PALM: variants seen among roughly 807,000 people sequenced by gnomAD.
The protein encoded by PALM is paralemmin.
Under a neutral mutation model 30.7 loss-of-function variants are expected in PALM, and 18 were observed. The ratio of observed to expected loss-of-function variants is 0.59; its 90% CI spans 0.41 to 0.87. The LOEUF is 0.87. PALM is among the 40% of genes least tolerant of loss of function. The pLI is 0.00. For missense variants in PALM, 529 were observed against 555.4 expected, an observed-to-expected ratio of 0.95 and a Z score of 0.48; for synonymous variants, 286 against 242.8, an observed-to-expected ratio of 1.18 and a Z score of -1.66.
At chr19:729,996 G>A (rs1367218972) in intron 4 of PALM, among the ~76,000 whole-genome samples, 6 of 152,224 alleles carry the variant, frequency 3.9e-5, no homozygotes, top group African/African-American at 4.8e-5. Context: ...GGAGGGTGAA[G>A]ACCTGGCTTG....
chr19:738,851 G>A (rs953098649), intron 7 of PALM, among the ~76,000 whole-genome samples: 6 of 152,312 alleles, frequency 3.9e-5, no homozygotes, highest in African/African-American at 1.2e-4. Context: ...GATGGGGACC[G>A]ATGGCCCCTC....
intron 1 of PALM, among the ~76,000 whole-genome samples, chr19:713,913 T>C (rs980881928): frequency 4.6e-4 from 65 of 142,640 alleles, no homozygotes; most frequent in Non-Finnish European, 8.3e-4. Flanking sequence ...TCTTTCTTTT[T>C]TTTTTTTTTG....
At position 727,064 on chromosome 19, in the gene PALM, G is replaced by A. The variant is rs1257968765; in HGVS notation, c.114G>A (p.Glu38=). Residue 38 remains glutamate, a synonymous_variant, in exon 3 of 9, where the codon GAG becomes GAA. Transcript: ENST00000338448. ...ACAAGCGCCGGCAGCTGGAGGACGA[G>A]CGGAGGCAGCTGCAGCACCTGAAGG... ...IENKRRQLED[E]RRQLQHLKSK... The A allele has an allele frequency of 1.9e-6, 3 of 1,543,126 alleles. No homozygotes were observed. The highest frequency in any genetic ancestry group is 1.4e-5 in the African/African-American group (1 of 72,576).
At chr19:710,651 G>GCGCCCCCCCCCCCCCCCCCCCCC (rs2032045130) in intron 1 of PALM, among the ~76,000 whole-genome samples, 4 of 114,166 alleles carry the variant, frequency 3.5e-5, no homozygotes, top group African/African-American at 7.0e-5. Flanking sequence ...AGGAGCTGCT[G>GCGCCCCCCCCCCCCCCCCCCCCC]CCCCCCCCCC....
chr19:727,742 G>A, intron 4 of PALM, 48 bp downstream of exon 4: 2 of 1,490,772 alleles, frequency 1.3e-6, no homozygotes, highest in Non-Finnish European at 1.8e-6. Flanking sequence ...GGCCTCGGGG[G>A]CCGCTGGCTC....
In PALM at chr19:727,045, G is replaced by A. The variant is rs1001270877; in HGVS notation, c.95G>A (p.Arg32His). Residue 32 changes from arginine (R) to histidine (H), a missense_variant, in exon 3 of 9, where the codon CGC (arginine) becomes CAC (histidine). Physicochemically the swap from Arg to His is conservative, Grantham distance 29. Transcript: ENST00000338448. ...CGGCAGGCGGAGATCGAGAACAAGC[G>A]CCGGCAGCTGGAGGACGAGCGGAGG... is the stretch of plus-strand genomic sequence containing the variant. ...RKRQAEIENK[R>H]RQLEDERRQL... is the part of the protein sequence containing the mutation. 33 of 1,356,018 alleles carry A rather than the reference G, an allele frequency of 2.4e-5. No individual in the cohort carries two copies. Among genetic ancestry groups the A allele is most frequent in the Non-Finnish European group, 3.1e-5 (32 of 1,024,894 alleles). 84.0% of individuals were successfully genotyped at this position (1,356,018 alleles called of 1,614,324 possible). A position where few individuals can be genotyped will look rare whatever the true frequency, so the allele number is the denominator to read the frequency against.
chr19:712,209 G>A (rs539982411), intron 1 of PALM, among the ~76,000 whole-genome samples: 86 of 150,324 alleles, frequency 5.7e-4, no homozygotes, highest in African/African-American at 2.0e-3. Flanking sequence ...TTTTAGTAGC[G>A]ACAGGGTTTC....
Position 740,388 on chromosome 19 carries a change from A to G in PALM, c.539A>G (p.Lys180Arg), listed in dbSNP as rs1338876728. The change falls in exon 8 of 9, where the codon AAG (lysine) becomes AGG (arginine). Residue 180 changes from lysine (K) to arginine (R), a missense_variant. Transcript: ENST00000338448. ...YSVEITVEKD[K>R]VTGETRVLSS... Reference sequence around the variant, plus strand: ...GTTGAGATCACTGTGGAGAAGGACAAGGTGACAGGGGAGACCAGGGTGCTG... The same window carrying G: ...GTTGAGATCACTGTGGAGAAGGACAGGGTGACAGGGGAGACCAGGGTGCTG... The G allele has an allele frequency of 3.2e-6, 5 of 1,562,454 alleles. No individual in the cohort carries two copies. Among genetic ancestry groups the G allele is most frequent in the Non-Finnish European group, 4.3e-6 (5 of 1,153,030 alleles).
rs1004923800 is a variant in PALM, at chr19:746,880, C to T, written c.*66C>T. On this transcript the variant is annotated 3_prime_UTR_variant, in exon 9 of 9. Transcript: ENST00000338448. This position sits in a 1 kb window ranked among gnomAD's most constrained non-coding sequence, Gnocchi z 7.1. Reference sequence around the variant, plus strand: ...CACCCACCAGCCCGGCCCCTCCCGGCGCCTGCCCACCCTCCACCCACAGCC... The same window carrying T: ...CACCCACCAGCCCGGCCCCTCCCGGTGCCTGCCCACCCTCCACCCACAGCC... The T allele has an allele frequency of 2.2e-4, 204 of 929,728 alleles. No individual in the cohort carries two copies. Among genetic ancestry groups the T allele is most frequent in the Admixed American group, 6.1e-4 (23 of 37,560 alleles). The allele number at this position is 929,728 out of a possible 1,614,324, so 57.6% of individuals were successfully genotyped here.
intron 1 of PALM, among the ~76,000 whole-genome samples, chr19:714,594 G>A (rs1021854905): frequency 2.1e-4 from 31 of 150,088 alleles, no homozygotes; most frequent in Non-Finnish European, 3.6e-4. Flanking sequence ...TCCTGACCTC[G>A]TGATCCGCCC....
Position 737,660 on chromosome 19 carries a change from C to T in PALM, c.502+1582C>T, listed in dbSNP as rs184391563. ...TATCTGGAGGAAGGTGTCCAAGGCACGCAGCTATCTGGGGAAAGGTGTTCC... is the reference window on the plus strand; with the variant it reads ...TATCTGGAGGAAGGTGTCCAAGGCATGCAGCTATCTGGGGAAAGGTGTTCC... On this transcript the variant is annotated intron_variant, in intron 7 of 8. Coordinates refer to ENST00000338448, the MANE Select transcript of PALM (RefSeq NM_002579.3). Among the ~76,000 whole-genome samples the T allele has an allele frequency of 1.2e-4, 19 of 152,272 alleles. No individual in the cohort carries two copies. In the East Asian group the frequency reaches 2.7e-3, roughly 22 times the overall value.
At position 709,624 on chromosome 19, in the gene PALM, C is replaced by G. The variant is rs568254206; in HGVS notation, c.5+473C>G. Among the ~76,000 whole-genome samples the G allele has an allele frequency of 6.6e-6, 1 of 152,018 alleles. No homozygotes were observed. The highest frequency in any genetic ancestry group is 1.9e-4 in the East Asian group (1 of 5,166). On this transcript the variant is annotated intron_variant, in intron 1 of 8. Coordinates refer to ENST00000338448, the MANE Select transcript of PALM (RefSeq NM_002579.3). This position sits in a 1 kb window ranked among gnomAD's most constrained non-coding sequence, Gnocchi z 4.3. Reference sequence around the variant, plus strand: ...TGGCGCCCTGGACGCGCGCGCGGGCCGGTGCCCCCCACCCCCGCCCTTCCC... The same window carrying G: ...TGGCGCCCTGGACGCGCGCGCGGGCGGGTGCCCCCCACCCCCGCCCTTCCC...
intron 8 of PALM, among the ~76,000 whole-genome samples, chr19:741,488 A>AG (rs1209657505): frequency 1.1e-5 from 1 of 88,724 alleles, no homozygotes; most frequent in Non-Finnish European, 2.2e-5. Context: ...TGCAGGGGTG[A>AG]GGGGAGCTGG....
intron 8 of PALM, among the ~76,000 whole-genome samples, chr19:744,729 A>G (rs1417811154): frequency 1.3e-5 from 2 of 151,612 alleles, no homozygotes; most frequent in African/African-American, 4.9e-5. Flanking sequence ...CCCCATCTCT[A>G]CTAAAAATAC....
chr19:726,985 A>AGTCCCCCCC, intron 2 of PALM, 23 bp from the exon 3 acceptor site: 1 of 945,366 alleles, frequency 1.1e-6, no homozygotes, highest in Non-Finnish European at 1.6e-6. Context: ...CCCATCCCTG[A>AGTCCCCCCC]CCCCACCCGG....
chr19:727,096 C>T lies in PALM; in HGVS notation c.138+8C>T, dbSNP rs750056429. ...CAGCTGCAGCACCTGAAGGTACGAG[C>T]GGGGCAGGGACCCAGGGTCAGGGAG... On this transcript the variant is annotated splice_region_variant and intron_variant, in intron 3 of 8. Coordinates refer to ENST00000338448, the MANE Select transcript of PALM (RefSeq NM_002579.3). 104 of 1,536,118 alleles carry T rather than the reference C, an allele frequency of 6.8e-5. No homozygotes were observed. The highest frequency in any genetic ancestry group is 3.0e-4 in the South Asian group (25 of 83,740).
At chr19:740,148 C>G (rs1473067033) in intron 7 of PALM, among the ~76,000 whole-genome samples, 1 of 152,174 alleles carries the variant, frequency 6.6e-6, no homozygotes, top group African/African-American at 2.4e-5. Context: ...TCAGACTGGT[C>G]GTCTCCAGGC....
intron 7 of PALM, among the ~76,000 whole-genome samples, chr19:739,650 C>T (rs540713944): frequency 6.6e-6 from 1 of 152,144 alleles, no homozygotes; most frequent in Admixed American, 6.5e-5. Context: ...CGCTCCACTC[C>T]AGCCTGGCCA....
chr19:741,618 G>A lies in PALM; in HGVS notation c.634+1135G>A, dbSNP rs1333009141. On this transcript the variant is annotated intron_variant, in intron 8 of 8. Transcript: ENST00000338448. The stretch of plus-strand genomic sequence containing the variant: ...GGAGTTGAGGAGCTGGGCTCACGCA[G>A]GGAGGAGAAGGGTGCTTTGCCTGGA... 3.9e-5 allele frequency among the ~76,000 whole-genome samples: 6 copies of A among 151,978 alleles called. No homozygotes were observed. In the East Asian group the frequency reaches 1.2e-3, roughly 29 times the overall value.
Sources: gnomAD v4.1 joint callset for allele counts (sites outside exome capture counted in the v4.1 genomes callset) on GRCh38, gnomAD v4.1.1 for gene constraint, Gnocchi (gnomAD v3.1) non-coding constraint, MANE v1.5 for transcripts, NCBI Gene and HGNC (gene_info 2026-07-23, HGNC 2026-07-21) for gene names.